The following IDE variants were observed in gnomAD, a reference collection of about 807,000 sequenced individuals.
IDE encodes insulin-degrading enzyme.
In IDE, 58 loss-of-function variants were observed where a neutral mutation model predicts 133.2. The observed-to-expected ratio is 0.44, with a 90% CI of 0.35 to 0.54. The LOEUF (loss-of-function observed/expected upper bound fraction) is 0.54, where lower values mean the gene tolerates loss of function less well. Ranked by LOEUF, IDE falls within the 20% of genes least tolerant of loss-of-function variation. The pLI, the probability that IDE is intolerant of heterozygous loss-of-function variation, is 0.00. For missense variants in IDE, 981 were observed against 1,234.0 expected (o/e 0.79, Z 3.07); for synonymous variants, 396 against 421.3 (o/e 0.94, Z 0.73).
rs1844851604 is a variant in IDE at position 92,453,769 on chromosome 10, T to C, written c.*675A>G. On this transcript the variant is annotated 3_prime_UTR_variant, in exon 25 of 25. Transcript: ENST00000265986. Reference sequence around the variant, plus strand: ...AGAATGAAAGAAACCACAGTAATCCTGAGAAATTCGGTTTAGGACAAAATT... The same window carrying C: ...AGAATGAAAGAAACCACAGTAATCCCGAGAAATTCGGTTTAGGACAAAATT... 1 of 152,236 alleles carries C rather than the reference T, an allele frequency of 6.6e-6. No homozygotes were observed. The highest frequency in any genetic ancestry group is 2.4e-5 in the African/African-American group (1 of 41,464). The allele number at this position is 152,236 out of a possible 1,614,324, so 9.4% of individuals were successfully genotyped here. A position where few individuals can be genotyped will look rare whatever the true frequency, so the allele number is the denominator to read the frequency against.
In IDE at chr10:92,574,059, G is replaced by C. The variant is rs1221285426; in HGVS notation, c.-40C>G. 6 of 1,462,306 alleles carry C rather than the reference G, an allele frequency of 4.1e-6. No homozygotes were observed. In the African/African-American group the frequency reaches 8.8e-5, roughly 21 times the overall value. The allele number at this position is 1,462,306 out of a possible 1,614,324, so 90.6% of individuals were successfully genotyped here. A position where few individuals can be genotyped will look rare whatever the true frequency, so the allele number is the denominator to read the frequency against. On this transcript the variant is annotated 5_prime_UTR_variant, in exon 1 of 25. Coordinates refer to ENST00000265986, the MANE Select transcript of IDE (RefSeq NM_004969.4). Reference sequence around the variant, plus strand: ...GCCGGGATCACCGCAAACGCTTCCTGCTTGCGCTTCGAGCCGGCCCTGCGC... The same window carrying C: ...GCCGGGATCACCGCAAACGCTTCCTCCTTGCGCTTCGAGCCGGCCCTGCGC...
At chr10:92,476,228 C>A (rs1461588813) in intron 15 of IDE, among the ~76,000 whole-genome samples, 1 of 150,584 alleles carries the variant, frequency 6.6e-6, no homozygotes, top group Non-Finnish European at 1.5e-5. Flanking sequence ...GGCTGGAGTG[C>A]AACGGCACGA....
chr10:92,454,580 ACATC>A, intron 24 of IDE, 41 bp from the exon 25 acceptor site: 1 of 1,423,896 alleles, frequency 7.0e-7, no homozygotes, highest in Non-Finnish European at 9.9e-7. Context: ...TTTAACCTAA[ACATC>A]AGAATAAGGA....
At chr10:92,483,508 G>A (rs1312511481) in intron 13 of IDE, among the ~76,000 whole-genome samples, 171 bp from the exon 14 acceptor site, 1 of 152,204 alleles carries the variant, frequency 6.6e-6, no homozygotes, top group Non-Finnish European at 1.5e-5. Context: ...TAGGAAGCTG[G>A]AGACAAAGAC....
rs34460166 is a variant in IDE, at chr10:92,536,700, GAA to G, written c.283+664_283+665del. ...GCAACAAGAGCAAAACTCCCACTCA[GAA>G]AAAAAAAAAAAGAAAAAAGAAATGT... On this transcript the variant is annotated intron_variant, in intron 2 of 24. Coordinates refer to ENST00000265986, the MANE Select transcript of IDE (RefSeq NM_004969.4). Among the ~76,000 whole-genome samples the G allele has an allele frequency of 1.4e-3, 200 of 138,310 alleles. 1 individual carries two copies. The highest frequency in any genetic ancestry group is 7.6e-3 in the Middle Eastern group (2 of 262). 90.7% of individuals were successfully genotyped at this position (138,310 alleles called of 152,430 possible). A position where few individuals can be genotyped will look rare whatever the true frequency, so the allele number is the denominator to read the frequency against.
intron 1 of IDE, among the ~76,000 whole-genome samples, chr10:92,565,498 C>T (rs1182757435): frequency 6.6e-6 from 1 of 151,996 alleles, no homozygotes; most frequent in Non-Finnish European, 1.5e-5. Flanking sequence ...TTGGCTAGAA[C>T]TTCAGACTAT....
Position 92,478,762 on chromosome 10 carries a change from A to G in IDE, c.1884+515T>C, listed in dbSNP as rs1291190480. The G allele has an allele frequency of 8.7e-6, 11 of 1,262,196 alleles. No individual in the cohort carries two copies. In the South Asian group the frequency reaches 1.3e-4, roughly 15 times the overall value. 78.2% of individuals were successfully genotyped at this position (1,262,196 alleles called of 1,614,324 possible). On this transcript the variant is annotated intron_variant, in intron 15 of 24. Coordinates refer to ENST00000265986, the MANE Select transcript of IDE (RefSeq NM_004969.4). ...TGATAAACAGGTATGTCATGTTGCA[A>G]TGGAGAGGATCAGCATAAATGTAGC... is the stretch of plus-strand genomic sequence containing the variant.
chr10:92,472,397 C>T (rs1214685032), intron 17 of IDE, among the ~76,000 whole-genome samples: 1 of 152,106 alleles, frequency 6.6e-6, no homozygotes, highest in East Asian at 1.9e-4. Context: ...ATAATTCTTG[C>T]TATTAATTGC....
intron 1 of IDE, among the ~76,000 whole-genome samples, chr10:92,571,022 C>T (rs1188904997): frequency 6.6e-6 from 1 of 151,712 alleles, no homozygotes; most frequent in African/African-American, 2.4e-5. Context: ...GCTCAGTCAC[C>T]CAGGCTGGAG....
At chr10:92,491,462 G>A (rs959483796) in intron 11 of IDE, among the ~76,000 whole-genome samples, 2 of 151,848 alleles carry the variant, frequency 1.3e-5, no homozygotes, top group Non-Finnish European at 2.9e-5. Flanking sequence ...CAAATACACA[G>A]GCCTTCCTGC....
chr10:92,461,667 ATT>A (rs756072204), intron 21 of IDE, among the ~76,000 whole-genome samples: 9 of 142,062 alleles, frequency 6.3e-5, no homozygotes, highest in Non-Finnish European at 6.2e-5. Flanking sequence ...AGTATTCACA[ATT>A]TTTTTTTTTT....
chr10:92,484,418 A>AAAAAC (rs1007870355), intron 13 of IDE, among the ~76,000 whole-genome samples: 25 of 151,842 alleles, frequency 1.6e-4, no homozygotes, highest in African/African-American at 4.1e-4. Flanking sequence ...CTCCATCTCA[A>AAAAAC]AAAACAAAAC....
chr10:92,527,860 C>A (rs1392946831), intron 4 of IDE, among the ~76,000 whole-genome samples: 1 of 152,046 alleles, frequency 6.6e-6, no homozygotes, highest in Non-Finnish European at 1.5e-5. Flanking sequence ...ACTAAAAATA[C>A]AAAAAATTAG....
At chr10:92,550,192 C>G (rs918650653) in intron 1 of IDE, among the ~76,000 whole-genome samples, 18 of 151,762 alleles carry the variant, frequency 1.2e-4, no homozygotes, top group African/African-American at 4.3e-4. Context: ...ATAAACTGAC[C>G]TATATTAAAA....
chr10:92,570,188 C>T (rs933217477), intron 1 of IDE, among the ~76,000 whole-genome samples: 1 of 151,690 alleles, frequency 6.6e-6, no homozygotes, highest in African/African-American at 2.4e-5. Context: ...TTTGTGAGTC[C>T]CACTTTTTAA....
chr10:92,537,035 C>G (rs1419963606), intron 2 of IDE, among the ~76,000 whole-genome samples: 1 of 74,394 alleles, frequency 1.3e-5, no homozygotes, highest in Non-Finnish European at 2.9e-5. Flanking sequence ...AACTCTGTCT[C>G]AAAAAAAAAA....
At chr10:92,507,482 A>G (rs1848357819) in intron 9 of IDE, 93 bp downstream of exon 9, 2 of 766,200 alleles carry the variant, frequency 2.6e-6, no homozygotes, top group Admixed American at 2.1e-5. Context: ...AAAACTTTAA[A>G]AGTTTAACTG....
chr10:92,526,776 G>A (rs904756805), intron 4 of IDE, among the ~76,000 whole-genome samples: 2 of 150,428 alleles, frequency 1.3e-5, no homozygotes, highest in African/African-American at 4.9e-5. Flanking sequence ...AGCCCAGGAG[G>A]AGGAGGTTAC....
chr10:92,551,044 C>T (rs1441280939), intron 1 of IDE, among the ~76,000 whole-genome samples: 1 of 152,190 alleles, frequency 6.6e-6, no homozygotes, highest in Non-Finnish European at 1.5e-5. Flanking sequence ...TCTAACAATT[C>T]CACTTCTGGA....
Sources: allele counts gnomAD v4.1 joint callset (sites outside exome capture counted in the v4.1 genomes callset), GRCh38; gene constraint gnomAD v4.1.1; transcripts MANE v1.5; gene names NCBI Gene and HGNC (gene_info 2026-07-23, HGNC 2026-07-21).